The following BNC2 variants were observed in gnomAD, a reference collection of about 807,000 sequenced individuals.
BNC2 encodes basonuclin zinc finger protein 2.
In BNC2, 20 loss-of-function variants were observed where a neutral mutation model predicts 76.3. The ratio of observed to expected loss-of-function variants is 0.26; its 90% CI spans 0.18 to 0.38. BNC2 has a LOEUF of 0.38. BNC2 is among the 10% of genes least tolerant of loss of function. The pLI is 1.00. For synonymous variants in BNC2, 582 were observed against 514.8 expected, an observed-to-expected ratio of 1.13 and a Z score of -1.77; for missense variants, 1,382 against 1,399.8, an observed-to-expected ratio of 0.99 and a Z score of 0.20.
At chr9:16,655,005 A>C (rs10738444) in intron 3 of BNC2, among the ~76,000 whole-genome samples, 151,721 of 152,046 alleles carry the variant, frequency 1, 75,698 homozygotes, top group Middle Eastern at 1. Flanking sequence ...TGTACTTCAG[A>C]AATGATAGAT....
chr9:16,846,052 A>G (rs1356647257), intron 1 of BNC2, among the ~76,000 whole-genome samples: 1 of 151,892 alleles, frequency 6.6e-6, no homozygotes, highest in Non-Finnish European at 1.5e-5. Context: ...ACGCAGGAGA[A>G]TGGCGTGAAC....
chr9:16,606,242 A>G (rs1820380098), intron 3 of BNC2, among the ~76,000 whole-genome samples: 1 of 152,210 alleles, frequency 6.6e-6, no homozygotes, highest in African/African-American at 2.4e-5. Flanking sequence ...GAGAATAGAA[A>G]AAATATTTTT....
At chr9:16,689,475 T>C (rs144565250) in intron 3 of BNC2, among the ~76,000 whole-genome samples, 168 of 152,224 alleles carry the variant, frequency 1.1e-3, no homozygotes, top group African/African-American at 3.7e-3. Flanking sequence ...ATAGACACTA[T>C]GAAAGTCACA....
intron 1 of BNC2, among the ~76,000 whole-genome samples, chr9:16,786,617 A>C (rs1380223351): frequency 6.6e-6 from 1 of 152,218 alleles, no homozygotes; most frequent in Non-Finnish European, 1.5e-5. Flanking sequence ...GGGTTCCATG[A>C]GAATGCATGC....
intron 3 of BNC2, among the ~76,000 whole-genome samples, chr9:16,653,028 T>G (rs1821835302): frequency 6.6e-6 from 1 of 152,188 alleles, no homozygotes; most frequent in Non-Finnish European, 1.5e-5. Context: ...TATATGTTTC[T>G]ATTTATATTA....
chr9:16,786,147 T>A (rs977250168), intron 1 of BNC2, among the ~76,000 whole-genome samples: 3 of 152,138 alleles, frequency 2.0e-5, no homozygotes, highest in Non-Finnish European at 4.4e-5. Context: ...AGAATCTCAT[T>A]TGACAGAGGT....
At chr9:16,684,894 G>C (rs1054166838) in intron 3 of BNC2, among the ~76,000 whole-genome samples, 6 of 57,900 alleles carry the variant, frequency 1.0e-4, no homozygotes, top group Admixed American at 4.2e-4. Context: ...CAATCCAACA[G>C]TTTCACCAAA....
At chr9:16,480,377 C>T (rs560768608) in intron 5 of BNC2, among the ~76,000 whole-genome samples, 30 of 152,358 alleles carry the variant, frequency 2.0e-4, no homozygotes, top group African/African-American at 6.7e-4. Flanking sequence ...TCACTCTCGG[C>T]GCCTCCTCTG....
At chr9:16,496,626 T>G (rs1246813943) in intron 5 of BNC2, among the ~76,000 whole-genome samples, 2 of 152,242 alleles carry the variant, frequency 1.3e-5, no homozygotes, top group African/African-American at 4.8e-5. Context: ...AGCAATGCTC[T>G]GCAGTTTCTT....
chr9:16,780,340 G>A (rs964982046), intron 1 of BNC2, among the ~76,000 whole-genome samples: 44 of 151,626 alleles, frequency 2.9e-4, no homozygotes, highest in Non-Finnish European at 1.0e-4. Flanking sequence ...GTGGGAGGCC[G>A]AGGCTGGCAG....
chr9:16,478,979 C>T (rs554346204), intron 5 of BNC2, among the ~76,000 whole-genome samples: 14 of 152,296 alleles, frequency 9.2e-5, no homozygotes, highest in African/African-American at 2.9e-4. Context: ...GGGCTGGGCA[C>T]GGTGGCTCAC....
intron 1 of BNC2, among the ~76,000 whole-genome samples, chr9:16,836,673 C>T (rs1282066735): frequency 6.6e-6 from 1 of 152,118 alleles, no homozygotes; most frequent in African/African-American, 2.4e-5. Context: ...ATGAAGAGGA[C>T]ATTCTGCTAA....
At chr9:16,847,730 A>G (rs1363135554) in intron 1 of BNC2, among the ~76,000 whole-genome samples, 1 of 152,238 alleles carries the variant, frequency 6.6e-6, no homozygotes, top group Non-Finnish European at 1.5e-5. Context: ...CAAGTAAATC[A>G]TGATCCAGTT....
chr9:16,608,775 T>A lies in BNC2; in HGVS notation c.331-25690A>T, dbSNP rs1295380422. ...ATAACCTGACAGGGAGTCAGTGAGA[T>A]CTGAAAAATAGAGGTACTGTTTCCA... On this transcript the variant is annotated intron_variant, in intron 3 of 6. Transcript: ENST00000380672. Among the ~76,000 whole-genome samples, 5 of 152,130 alleles carry A rather than the reference T, an allele frequency of 3.3e-5. No homozygotes were observed. In the East Asian group the frequency reaches 9.6e-4, roughly 29 times the overall value.
chr9:16,438,262 A>G (rs1042062385), intron 5 of BNC2, among the ~76,000 whole-genome samples: 12 of 152,202 alleles, frequency 7.9e-5, no homozygotes, highest in African/African-American at 2.9e-4. Context: ...GACTTAATGT[A>G]TTTGACTTTT....
intron 1 of BNC2, among the ~76,000 whole-genome samples, chr9:16,860,339 G>A (rs1819366516): frequency 6.6e-6 from 1 of 152,140 alleles, no homozygotes; most frequent in Admixed American, 6.5e-5. Context: ...AGGACAGACA[G>A]AAAGATCAAT....
At chr9:16,821,092 G>C (rs1321236317) in intron 1 of BNC2, among the ~76,000 whole-genome samples, 1 of 152,016 alleles carries the variant, frequency 6.6e-6, no homozygotes, top group Non-Finnish European at 1.5e-5. Context: ...AATTAGCCAG[G>C]TGTGGTGGCA....
chr9:16,846,106 C>T (rs1170706863), intron 1 of BNC2, among the ~76,000 whole-genome samples: 4 of 148,692 alleles, frequency 2.7e-5, no homozygotes, highest in Non-Finnish European at 5.9e-5. Flanking sequence ...CGCCACTGCA[C>T]TCCAACGTGG....
At chr9:16,763,812 C>T (rs1233715227) in intron 1 of BNC2, among the ~76,000 whole-genome samples, 3 of 152,136 alleles carry the variant, frequency 2.0e-5, no homozygotes, top group African/African-American at 7.2e-5. Flanking sequence ...CAAAAGAATG[C>T]TCAAGTACCA....
Sources: gnomAD v4.1 joint callset for allele counts (sites outside exome capture counted in the v4.1 genomes callset) on GRCh38, gnomAD v4.1.1 for gene constraint, MANE v1.5 for transcripts, NCBI Gene and HGNC (gene_info 2026-07-23, HGNC 2026-07-21) for gene names.